SDK1: variants seen among roughly 807,000 people sequenced by gnomAD.
SDK1 encodes protein sidekick-1.
A neutral mutation model predicts 245.5 loss-of-function variants in SDK1; 157 were observed. That is an observed-to-expected ratio of 0.64 (90% CI 0.56 to 0.73). The LOEUF (loss-of-function observed/expected upper bound fraction) is 0.73, where lower values mean the gene tolerates loss of function less well. SDK1 is among the 30% of genes least tolerant of loss of function. The pLI is 0.00. For synonymous variants in SDK1, 1,647 were observed against 1,278.5 expected, an observed-to-expected ratio of 1.29 and a Z score of -6.15; for missense variants, 3,583 against 3,002.3, an observed-to-expected ratio of 1.19 and a Z score of -4.52.
chr7:3,967,691 C>G (rs942306957), intron 10 of SDK1, among the ~76,000 whole-genome samples: 3 of 152,188 alleles, frequency 2.0e-5, no homozygotes, highest in Admixed American at 2.0e-4. Flanking sequence ...TTAGATTCTT[C>G]TAGGGAGTGT....
chr7:3,791,410 A>T (rs897134722), intron 4 of SDK1, among the ~76,000 whole-genome samples: 1 of 152,228 alleles, frequency 6.6e-6, no homozygotes, highest in African/African-American at 2.4e-5. Flanking sequence ...GGACCAGCTC[A>T]TCATGGTGTG....
chr7:4,045,952 CT>C (rs956561913), intron 17 of SDK1, among the ~76,000 whole-genome samples: 1 of 150,810 alleles, frequency 6.6e-6, no homozygotes, highest in East Asian at 1.9e-4. Context: ...GGTTTTTGTT[CT>C]TTTTTTTTGT....
At chr7:3,983,899 G>C (rs1783612138) in intron 13 of SDK1, among the ~76,000 whole-genome samples, 1 of 152,202 alleles carries the variant, frequency 6.6e-6, no homozygotes, top group Non-Finnish European at 1.5e-5. Flanking sequence ...TCGCAGAGAA[G>C]GACGTGTGCG....
chr7:4,013,643 A>G (rs956118745), intron 16 of SDK1, among the ~76,000 whole-genome samples: 1 of 152,196 alleles, frequency 6.6e-6, no homozygotes, highest in African/African-American at 2.4e-5. Flanking sequence ...GTGTTTTTCT[A>G]TGTGCCTGGA....
At chr7:4,233,554 C>G (rs1785943524) in intron 41 of SDK1, 135 bp downstream of exon 41, 1 of 802,914 alleles carries the variant, frequency 1.2e-6, no homozygotes, top group African/African-American at 1.7e-5. Flanking sequence ...CCAGGGAGGT[C>G]TGTCTTCTCC....
At chr7:4,048,124 G>C (rs916357064) in intron 17 of SDK1, among the ~76,000 whole-genome samples, 1 of 152,180 alleles carries the variant, frequency 6.6e-6, no homozygotes, top group East Asian at 1.9e-4. Flanking sequence ...GCCGAGAAGA[G>C]TGTAGCGATT....
At chr7:3,648,551 T>C (rs79950163) in intron 4 of SDK1, among the ~76,000 whole-genome samples, 3,947 of 152,294 alleles carry the variant, frequency 0.026, 171 homozygotes, top group African/African-American at 0.089. Context: ...TTGTCCATGC[T>C]TAAATACTTG....
At chr7:3,798,376 C>A (rs1488393754) in intron 4 of SDK1, among the ~76,000 whole-genome samples, 2 of 151,938 alleles carry the variant, frequency 1.3e-5, no homozygotes, top group Non-Finnish European at 1.5e-5. Context: ...CGCCACCACG[C>A]CCAGCTAATT....
intron 4 of SDK1, among the ~76,000 whole-genome samples, chr7:3,814,126 A>C (rs914642359): frequency 6.9e-5 from 10 of 145,596 alleles, no homozygotes; most frequent in Admixed American, 2.8e-4. Context: ...ATTAGATCCC[A>C]TTTGTCAATT....
chr7:3,831,501 C>G (rs1000114618), intron 5 of SDK1, among the ~76,000 whole-genome samples: 1 of 152,170 alleles, frequency 6.6e-6, no homozygotes, highest in African/African-American at 2.4e-5. Context: ...CATATCTCCT[C>G]TTTCAGAAAA....
At chr7:3,664,187 A>G (rs1583285459) in intron 4 of SDK1, among the ~76,000 whole-genome samples, 1 of 152,172 alleles carries the variant, frequency 6.6e-6, no homozygotes, top group Non-Finnish European at 1.5e-5. Flanking sequence ...AAAAACATAC[A>G]TACCTTGAAG....
intron 44 of SDK1, among the ~76,000 whole-genome samples, chr7:4,251,919 G>A (rs563417294): frequency 6.6e-6 from 1 of 152,206 alleles, no homozygotes; most frequent in Admixed American, 6.5e-5. Flanking sequence ...AGTTTTGTCA[G>A]ATGGTTTCTC....
rs765048682 is a variant in SDK1 at position 3,821,493 on chromosome 7, A to C, written c.757A>C (p.Thr253Pro). ...ENQLVILATT[T>P]SDAGAYYVQA... ...TCAGCTGGTGATCCTCGCCACCACA[A>C]CCAGTGATGCCGGGGCATACTACGT... Residue 253 changes from threonine to proline, a missense_variant, in exon 5 of 45, where the codon ACC becomes CCC. Transcript: ENST00000404826. 1 of 1,613,788 alleles carries C rather than the reference A, an allele frequency of 6.2e-7. No homozygotes were observed. Among genetic ancestry groups the C allele is most frequent in the East Asian group, 2.2e-5 (1 of 44,832 alleles).
chr7:3,658,877 C>G (rs768570909), intron 4 of SDK1, among the ~76,000 whole-genome samples: 6 of 152,162 alleles, frequency 3.9e-5, no homozygotes, highest in African/African-American at 7.2e-5. Flanking sequence ...TTCAGCCTCT[C>G]AAAGTGCTGG....
rs909757384 is a variant in SDK1, at chr7:3,349,216, AAAAC to A, written c.298+47338_298+47341del. Among the ~76,000 whole-genome samples, 539 of 152,190 alleles carry A rather than the reference AAAAC, an allele frequency of 3.5e-3. 2 individuals carry two copies. The highest frequency in any genetic ancestry group is 0.012 in the African/African-American group (500 of 41,490). On this transcript the variant is annotated intron_variant, in intron 1 of 44. Coordinates refer to ENST00000404826, the MANE Select transcript of SDK1 (RefSeq NM_152744.4). ...AAAAAAACAACAAAAAAAACACAAC[AAAAC>A]AAACACACAACAGCCTATTTAGATG... is the stretch of plus-strand genomic sequence containing the variant.
chr7:3,509,369 C>G (rs1289395787), intron 1 of SDK1, among the ~76,000 whole-genome samples: 1 of 152,120 alleles, frequency 6.6e-6, no homozygotes, highest in African/African-American at 2.4e-5. Flanking sequence ...CAACATGTGA[C>G]CTCAGGCAAA....
chr7:3,344,386 G>A (rs1780437737), intron 1 of SDK1, among the ~76,000 whole-genome samples: 1 of 152,118 alleles, frequency 6.6e-6, no homozygotes, highest in South Asian at 2.1e-4. Context: ...CCTAGCTCAG[G>A]ATCCAATTTT....
At chr7:4,225,050 G>A (rs1785346263) in intron 40 of SDK1, among the ~76,000 whole-genome samples, 1 of 143,344 alleles carries the variant, frequency 7.0e-6, no homozygotes, top group South Asian at 2.3e-4. Flanking sequence ...AGAAGGGCCT[G>A]GCTACGAAAC....
chr7:3,581,256 A>C (rs973098603), intron 1 of SDK1, among the ~76,000 whole-genome samples: 1 of 151,908 alleles, frequency 6.6e-6, no homozygotes, highest in Middle Eastern at 3.4e-3. Flanking sequence ...TTAAATTTAC[A>C]AAAAAAACCT....
Sources: allele counts gnomAD v4.1 joint callset (sites outside exome capture counted in the v4.1 genomes callset), GRCh38; gene constraint gnomAD v4.1.1; transcripts MANE v1.5; gene names NCBI Gene and HGNC (gene_info 2026-07-23, HGNC 2026-07-21).